ROBO2: variants seen among roughly 807,000 people sequenced by gnomAD.
ROBO2 encodes roundabout homolog 2.
A neutral mutation model predicts 160.8 loss-of-function variants in ROBO2; 53 were observed. The observed-to-expected ratio is 0.33, with a 90% confidence interval of 0.26 to 0.41. The LOEUF (loss-of-function observed/expected upper bound fraction) is 0.41. Among genes scored for constraint, ROBO2 ranks in the 10% least tolerant of loss-of-function variants. ROBO2 has a pLI of 1.00. For missense variants in ROBO2, 1,577 were observed against 1,722.4 expected (o/e 0.92, Z 1.49); for synonymous variants, 664 against 611.7 (o/e 1.09, Z -1.26).
rs535718497 is a variant in ROBO2, at chr3:76,482,979, ATATTT to A, written c.109+545383_109+545387del. Among the ~76,000 whole-genome samples the A allele has an allele frequency of 1.6e-3, 250 of 152,286 alleles. 2 individuals are homozygous for A. The highest frequency in any genetic ancestry group is 2.1e-3 in the Non-Finnish European group (144 of 68,038). On this transcript the variant is annotated intron_variant, in intron 2 of 26. Coordinates refer to the ROBO2 transcript ENST00000487694. ...CTGTGTTTCCAACATCCTCAAATTA[ATATTT>A]TATTTAAACAAATTGTCAGTATTTA...
chr3:76,894,899 C>T (rs1433926515), intron 2 of ROBO2, among the ~76,000 whole-genome samples: 1 of 152,076 alleles, frequency 6.6e-6, no homozygotes, highest in Non-Finnish European at 1.5e-5. Context: ...ATTGTACTTG[C>T]ATGGAAGAAC....
At chr3:76,690,730 C>T (rs187814156) in intron 2 of ROBO2, among the ~76,000 whole-genome samples, 1 of 152,120 alleles carries the variant, frequency 6.6e-6, no homozygotes, top group Admixed American at 6.6e-5. Context: ...GCTATTGTAT[C>T]CCTAGTACCT....
chr3:77,526,350 C>T (rs1289844459), intron 6 of ROBO2, among the ~76,000 whole-genome samples: 6 of 151,438 alleles, frequency 4.0e-5, no homozygotes, highest in South Asian at 2.1e-4. Flanking sequence ...ATCATCAACA[C>T]GAAACTATTG....
intron 2 of ROBO2, among the ~76,000 whole-genome samples, chr3:75,991,958 A>G (rs2065586072): frequency 1.3e-5 from 2 of 152,150 alleles, no homozygotes; most frequent in South Asian, 4.1e-4. Context: ...AACTTCAGAG[A>G]AATGATTTAG....
intron 2 of ROBO2, among the ~76,000 whole-genome samples, chr3:77,024,909 A>T (rs1451995021): frequency 6.6e-6 from 1 of 152,108 alleles, no homozygotes; most frequent in Non-Finnish European, 1.5e-5. Context: ...CACAAGTATT[A>T]GTGAAATGAC....
intron 2 of ROBO2, among the ~76,000 whole-genome samples, chr3:76,674,579 C>A (rs1307626177): frequency 6.9e-6 from 1 of 144,140 alleles, no homozygotes; most frequent in Non-Finnish European, 1.5e-5. Flanking sequence ...TGTTTTCTAA[C>A]CCTAGCCCAC....
chr3:76,102,228 C>T (rs916063175), intron 2 of ROBO2, among the ~76,000 whole-genome samples: 4 of 152,154 alleles, frequency 2.6e-5, no homozygotes, highest in East Asian at 1.9e-4. Context: ...TGAAGACTTG[C>T]GTGGAAACAA....
chr3:77,566,570 TAG>T (rs2093487780), intron 12 of ROBO2, among the ~76,000 whole-genome samples: 1 of 152,054 alleles, frequency 6.6e-6, no homozygotes. Context: ...CAGTGAAACG[TAG>T]AGAGAGATCA....
intron 1 of ROBO2, among the ~76,000 whole-genome samples, chr3:77,045,717 C>G (rs184078459): frequency 3.3e-4 from 50 of 152,282 alleles, no homozygotes; most frequent in African/African-American, 1.2e-3. Flanking sequence ...TCACTACAAT[C>G]TAACTTTAAA....
chr3:77,588,786 A>T, exon 17 of ROBO2: 1 of 1,613,510 alleles, frequency 6.2e-7, no homozygotes, highest in Non-Finnish European at 8.5e-7. Flanking sequence ...TGAAAACAAT[A>T]ACAGCATAAC....
chr3:76,075,999 A>G (rs1330246297), intron 2 of ROBO2, among the ~76,000 whole-genome samples: 7 of 152,232 alleles, frequency 4.6e-5, no homozygotes, highest in Non-Finnish European at 1.0e-4. Context: ...TTAAGACATT[A>G]TTTTAGCAAA....
At chr3:76,506,629 TTG>T (rs1305248689) in intron 2 of ROBO2, among the ~76,000 whole-genome samples, 1 of 152,226 alleles carries the variant, frequency 6.6e-6, no homozygotes, top group African/African-American at 2.4e-5. Flanking sequence ...TAATAAGATA[TTG>T]TGATTTATAA....
chr3:77,293,631 C>G (rs1247221838), intron 2 of ROBO2, among the ~76,000 whole-genome samples: 1 of 141,694 alleles, frequency 7.1e-6, no homozygotes, highest in African/African-American at 2.8e-5. Flanking sequence ...GACGGTTAAA[C>G]GGGTAAGCTG....
chr3:77,003,591 C>T (rs947302293), intron 2 of ROBO2, among the ~76,000 whole-genome samples: 3 of 152,200 alleles, frequency 2.0e-5, no homozygotes, highest in Admixed American at 2.0e-4. Flanking sequence ...GACAGAGTCT[C>T]ACTCTGTCAC....
intron 2 of ROBO2, among the ~76,000 whole-genome samples, chr3:76,811,714 C>T (rs2108994990): frequency 6.6e-6 from 1 of 152,082 alleles, no homozygotes; most frequent in East Asian, 1.9e-4. Flanking sequence ...AGACTTCATG[C>T]CTATATCTCA....
intron 2 of ROBO2, among the ~76,000 whole-genome samples, chr3:76,335,868 G>A (rs187010072): frequency 5.3e-5 from 8 of 152,198 alleles, no homozygotes; most frequent in South Asian, 2.1e-4. Flanking sequence ...GAGCCACCGC[G>A]CCCGGCCTAA....
intron 2 of ROBO2, among the ~76,000 whole-genome samples, chr3:76,793,585 T>C (rs1166414879): frequency 1.3e-5 from 2 of 151,820 alleles, no homozygotes; most frequent in Non-Finnish European, 1.5e-5. Context: ...ATCATAATAG[T>C]GAATTCTTTT....
intron 2 of ROBO2, among the ~76,000 whole-genome samples, chr3:77,403,848 G>T (rs898063770): frequency 6.6e-6 from 1 of 151,932 alleles, no homozygotes; most frequent in Non-Finnish European, 1.5e-5. Context: ...AAAAAGTGGA[G>T]TTTGAATCAG....
intron 2 of ROBO2, among the ~76,000 whole-genome samples, chr3:76,895,137 C>T (rs913516710): frequency 6.6e-6 from 1 of 151,772 alleles, no homozygotes; most frequent in South Asian, 2.1e-4. Context: ...TTTTATCTTC[C>T]TCTTCTTTCT....
Sources: gnomAD v4.1 joint callset for allele counts (sites outside exome capture counted in the v4.1 genomes callset) on GRCh38, gnomAD v4.1.1 for gene constraint, MANE v1.5 for transcripts, NCBI Gene and HGNC (gene_info 2026-07-23, HGNC 2026-07-21) for gene names.